The following NBAS variants were observed in gnomAD, a reference collection of about 807,000 sequenced individuals.
NBAS encodes NBAS subunit of NRZ tethering complex, also known as NAG/BC035112 fusion.
Under a neutral mutation model 302.5 loss-of-function variants are expected in NBAS, and 219 were observed. The ratio of observed to expected loss-of-function variants is 0.72; its 90% CI spans 0.65 to 0.81. The LOEUF (loss-of-function observed/expected upper bound fraction) is 0.81, where lower values mean the gene tolerates loss of function less well. Ranked by LOEUF, NBAS falls within the 30% of genes least tolerant of loss-of-function variation. NBAS has a pLI of 0.00. For missense variants in NBAS, 2,932 were observed against 2,841.6 expected (o/e 1.03, Z -0.72); for synonymous variants, 1,118 against 1,021.6 (o/e 1.09, Z -1.80).
At chr2:15,478,510 T>C (rs925354279) in intron 12 of NBAS, among the ~76,000 whole-genome samples, 2 of 152,212 alleles carry the variant, frequency 1.3e-5, no homozygotes, top group Non-Finnish European at 2.9e-5. Context: ...TTATGAAGAA[T>C]ACAGCATGCA....
At chr2:14,906,654 G>A in the NBAS span, among the ~76,000 whole-genome samples, 1 of 152,146 alleles carries the variant, frequency 6.6e-6, no homozygotes, top group Admixed American at 6.5e-5. Flanking sequence ...GGTGGCATGG[G>A]CTGCCCAATG....
intron 44 of NBAS, among the ~76,000 whole-genome samples, chr2:15,269,291 C>G (rs1258585177): frequency 2.6e-5 from 4 of 152,186 alleles, no homozygotes; most frequent in Non-Finnish European, 5.9e-5. Flanking sequence ...ATTGTCTTTC[C>G]TCCATGGTAG....
the NBAS span, among the ~76,000 whole-genome samples, chr2:15,151,218 T>C: frequency 1.3e-5 from 2 of 152,354 alleles, no homozygotes; most frequent in Non-Finnish European, 2.9e-5. Flanking sequence ...CAACCCCATG[T>C]CTCAATAAGT....
intron 44 of NBAS, among the ~76,000 whole-genome samples, chr2:15,265,196 A>G (rs916933548): frequency 6.6e-6 from 1 of 152,228 alleles, no homozygotes; most frequent in African/African-American, 2.4e-5. Flanking sequence ...TCAGGCTACA[A>G]TGACCCTTCT....
At chr2:15,422,835 T>G (rs1473678933) in intron 23 of NBAS, among the ~76,000 whole-genome samples, 2 of 152,196 alleles carry the variant, frequency 1.3e-5, no homozygotes, top group Non-Finnish European at 2.9e-5. Context: ...ACTTTTCTCC[T>G]TATTCTCAAA....
intron 44 of NBAS, among the ~76,000 whole-genome samples, chr2:15,274,946 G>GA (rs1342430922): frequency 2.1e-5 from 3 of 145,048 alleles, no homozygotes; most frequent in African/African-American, 7.6e-5. Context: ...TTTTTTTTTG[G>GA]TTTTTTTTTT....
intron 44 of NBAS, among the ~76,000 whole-genome samples, chr2:15,241,003 AGAG>A (rs1470687048): frequency 1.3e-5 from 2 of 152,100 alleles, no homozygotes; most frequent in Non-Finnish European, 2.9e-5. Context: ...ATCGTGTACA[AGAG>A]AAGAGTAAAA....
intron 21 of NBAS, among the ~76,000 whole-genome samples, chr2:15,443,376 A>T (rs1678544080): frequency 6.6e-6 from 1 of 151,970 alleles, no homozygotes; most frequent in African/African-American, 2.4e-5. Flanking sequence ...GTAATCCAGC[A>T]TATAAACAGA....
the NBAS span, among the ~76,000 whole-genome samples, chr2:14,988,704 A>C: frequency 6.6e-6 from 1 of 152,206 alleles, no homozygotes; most frequent in Non-Finnish European, 1.5e-5. Context: ...TCATACTCAG[A>C]CTAATTGGTC....
chr2:14,953,396 TA>T, the NBAS span, among the ~76,000 whole-genome samples: 1 of 152,086 alleles, frequency 6.6e-6, no homozygotes, highest in African/African-American at 2.4e-5. Context: ...TTTCTTTAAG[TA>T]AAAGAGATAA....
At chr2:15,406,406 A>G (rs975984606) in intron 25 of NBAS, among the ~76,000 whole-genome samples, 5 of 152,190 alleles carry the variant, frequency 3.3e-5, no homozygotes, top group African/African-American at 1.2e-4. Flanking sequence ...TCACAATACA[A>G]AAGAATAAAC....
intron 12 of NBAS, among the ~76,000 whole-genome samples, chr2:15,488,678 TAC>T (rs1558384087): frequency 6.6e-6 from 1 of 152,154 alleles, no homozygotes; most frequent in East Asian, 1.9e-4. Context: ...ACACTCTGTA[TAC>T]AGAGTGTACC....
the NBAS span, among the ~76,000 whole-genome samples, chr2:15,096,853 G>A: frequency 6.6e-6 from 1 of 152,188 alleles, no homozygotes; most frequent in Non-Finnish European, 1.5e-5. Context: ...CAGCACAGTG[G>A]AAAACAATAA....
chr2:14,851,464 G>A, the NBAS span, among the ~76,000 whole-genome samples: 1 of 149,404 alleles, frequency 6.7e-6, no homozygotes, highest in African/African-American at 2.5e-5. Flanking sequence ...AAAGAGTCCA[G>A]GACCAGATGG....
At chr2:15,276,720 G>T in intron 43 of NBAS, 131 bp downstream of exon 43, 2 of 1,342,340 alleles carry the variant, frequency 1.5e-6, no homozygotes, top group Non-Finnish European at 2.1e-6. Context: ...AATAACTAAA[G>T]TCGATTAGCT....
At chr2:15,380,750 C>T (rs1674995892) in intron 29 of NBAS, among the ~76,000 whole-genome samples, 1 of 152,134 alleles carries the variant, frequency 6.6e-6, no homozygotes, top group Admixed American at 6.5e-5. Flanking sequence ...CAAAAATGCA[C>T]TTCCCTGTCA....
At chr2:15,330,571 TTTTA>T in intron 36 of NBAS, 23 bp downstream of exon 36, 1 of 1,613,072 alleles carries the variant, frequency 6.2e-7, no homozygotes, top group African/African-American at 1.3e-5. Flanking sequence ...ATGCAGTTGA[TTTTA>T]AAAAGAAAGA....
At chr2:14,992,395 AG>A in the NBAS span, among the ~76,000 whole-genome samples, 2 of 152,164 alleles carry the variant, frequency 1.3e-5, no homozygotes, top group Non-Finnish European at 2.9e-5. Context: ...GTATCTGACA[AG>A]GGGAACCATA....
intron 35 of NBAS, among the ~76,000 whole-genome samples, chr2:15,337,393 A>G (rs1672638994): frequency 6.6e-6 from 1 of 152,112 alleles, no homozygotes; most frequent in African/African-American, 2.4e-5. Flanking sequence ...AATCTCACAA[A>G]TCACCACTAA....
Sources: gnomAD v4.1 joint callset for allele counts (sites outside exome capture counted in the v4.1 genomes callset) on GRCh38, gnomAD v4.1.1 for gene constraint, MANE v1.5 for transcripts, NCBI Gene and HGNC (gene_info 2026-07-23, HGNC 2026-07-21) for gene names.